TIGD1: variants seen among roughly 807,000 people sequenced by gnomAD.
TIGD1 encodes tigger transposable element derived 1, also known as tigger transposable element-derived protein 1.
Under a neutral mutation model 21.3 loss-of-function variants are expected in TIGD1, and 20 were observed. The observed-to-expected ratio is 0.94, with a 90% CI of 0.66 to 1.36. The LOEUF (loss-of-function observed/expected upper bound fraction) is 1.36, where lower values mean the gene tolerates loss of function less well. TIGD1 is among the 40% of genes most tolerant of loss of function. The pLI, the probability that TIGD1 is intolerant of heterozygous loss-of-function variation, is 0.00. For synonymous variants in TIGD1, 177 were observed against 123.2 expected (o/e 1.44, Z -2.89); for missense variants, 556 against 350.5 (o/e 1.59, Z -4.68).
rs780477421 is a variant in TIGD1, at chr2:232,549,911, A to G, written c.-29T>C. On this transcript the variant is annotated 5_prime_UTR_variant, in exon 1 of 1. Transcript: ENST00000408957. Reference sequence around the variant, plus strand: ...AGAGTCATTAATTCGCCTAATCTCAATATTGTTGTGTCTCAGGGAATAGGG... The same window carrying G: ...AGAGTCATTAATTCGCCTAATCTCAGTATTGTTGTGTCTCAGGGAATAGGG... 2.5e-6 allele frequency: 3 copies of G among 1,224,218 alleles called. No homozygotes were observed. Among genetic ancestry groups the G allele is most frequent in the African/African-American group, 1.5e-5 (1 of 65,702 alleles). The allele number at this position is 1,224,218 out of a possible 1,614,324, so 75.8% of individuals were successfully genotyped here. A position where few individuals can be genotyped will look rare whatever the true frequency, so the allele number is the denominator to read the frequency against.
In TIGD1 at chr2:232,550,549, G is replaced by A. The variant is rs1327519124; in HGVS notation, c.-667C>T. ...GCAGCCAGCTCCGCCGCTGAGTCCA[G>A]CCCTCTGCGCAGCCGCCCTGAGCTG... On this transcript the variant is annotated 5_prime_UTR_variant, in exon 1 of 1. Transcript: ENST00000408957. 1.0e-5 allele frequency: 8 copies of A among 800,888 alleles called. No individual in the cohort carries two copies. The highest frequency in any genetic ancestry group is 7.2e-5 in the Admixed American group (3 of 41,864). 49.6% of individuals were successfully genotyped at this position (800,888 alleles called of 1,614,324 possible). A position where few individuals can be genotyped will look rare whatever the true frequency, so the allele number is the denominator to read the frequency against.
rs765911033 is a variant in TIGD1, at chr2:232,548,363, T to C, written c.1520A>G (p.Glu507Gly). 5.5e-5 allele frequency: 58 copies of C among 1,045,574 alleles called. No homozygotes were observed. In the African/African-American group the frequency reaches 8.0e-4, roughly 14 times the overall value. The allele number at this position is 1,045,574 out of a possible 1,614,324, so 64.8% of individuals were successfully genotyped here. Residue 507 changes from glutamate (E) to glycine (G), a missense_variant, in exon 1 of 1, where the codon GAG becomes GGG. Coordinates refer to ENST00000408957, the MANE Select transcript of TIGD1 (RefSeq NM_145702.4). ...TCTTTCAAAATTGGAGTCAATCCTC[T>C]CAAACCCTGCTGCTGCTTTATCAAC... ...NLVDKAAAGF[E>G]RIDSNFERSS...
rs1023627030 is a variant in TIGD1 at position 232,549,448 on chromosome 2, G to C, written c.435C>G (p.Phe145Leu). The change falls in exon 1 of 1, where the codon TTC becomes TTG. Residue 145 changes from phenylalanine (F) to leucine (L), a missense_variant. Transcript: ENST00000408957. ...CTTCACCTTGTGCTTTTATGTTATG[G>C]AAATGGCTTCTTTCCTTAAACCTCA... Reference protein sequence around the residue: ...WFMRFKERSHFHNIKAQGEAA... With the variant: ...WFMRFKERSHLHNIKAQGEAA... The C allele has an allele frequency of 6.0e-6, 4 of 661,676 alleles. No homozygotes were observed. Among genetic ancestry groups the C allele is most frequent in the African/African-American group, 1.8e-5 (1 of 56,188 alleles). The allele number at this position is 661,676 out of a possible 1,614,324, so 41.0% of individuals were successfully genotyped here. A position where few individuals can be genotyped will look rare whatever the true frequency, so the allele number is the denominator to read the frequency against.
In TIGD1 at chr2:232,545,406, A is replaced by C. The variant is rs1692108073; in HGVS notation, c.*2701T>G. 2.5e-6 allele frequency: 2 copies of C among 796,588 alleles called. No individual in the cohort carries two copies. The highest frequency in any genetic ancestry group is 3.4e-5 in the African/African-American group (2 of 58,836). The allele number at this position is 796,588 out of a possible 1,614,324, so 49.3% of individuals were successfully genotyped here. A position where few individuals can be genotyped will look rare whatever the true frequency, so the allele number is the denominator to read the frequency against. On this transcript the variant is annotated 3_prime_UTR_variant, in exon 1 of 1. Coordinates refer to ENST00000408957, the MANE Select transcript of TIGD1 (RefSeq NM_145702.4). ...CCAGGGGGCCATGGAATTAGCCACC[A>C]GTTGGGACCCGGACATAGGTAAGAA...
In TIGD1 at chr2:232,547,243, C is replaced by T. The variant is rs1053511852; in HGVS notation, c.*864G>A. Among the ~76,000 whole-genome samples, 5 of 151,946 alleles carry T rather than the reference C, an allele frequency of 3.3e-5. No individual in the cohort carries two copies. The highest frequency in any genetic ancestry group is 1.2e-4 in the African/African-American group (5 of 41,358). ...CCCAGCCTGGGCAACATGGGGACAC[C>T]CGGCCTCTACCAAAAAATACAAAAC... On this transcript the variant is annotated 3_prime_UTR_variant, in exon 1 of 1. Coordinates refer to ENST00000408957, the MANE Select transcript of TIGD1 (RefSeq NM_145702.4).
Position 232,548,247 on chromosome 2 carries a change from A to G in TIGD1, c.1636T>C (p.Ser546Pro), listed in dbSNP as rs1003654970. The G allele has an allele frequency of 1.3e-6, 2 of 1,543,910 alleles. No individual in the cohort carries two copies. The highest frequency in any genetic ancestry group is 1.7e-6 in the Non-Finnish European group (2 of 1,146,468). ...ERKSQLMRKASPMSYFRKLPQ... is the reference protein window; with the variant it reads ...ERKSQLMRKAPPMSYFRKLPQ... ...AATTTCCTAAAATAAGACATCGGTG[A>G]AGCTTTTCGCATGAGTTGACTCTTC... is the stretch of plus-strand genomic sequence containing the variant. The change falls in exon 1 of 1, where the codon TCA becomes CCA. Residue 546 changes from serine (S) to proline (P), a missense_variant. Transcript: ENST00000408957.
rs1231163747 is a variant in TIGD1 at position 232,550,351 on chromosome 2, C to T, written c.-469G>A. ...AGGTCAAAAGAGATACCAGAGAGTG[C>T]GTCCCGCACTGGAGGAAGAGGAAGG... On this transcript the variant is annotated 5_prime_UTR_variant, in exon 1 of 1. Coordinates refer to ENST00000408957, the MANE Select transcript of TIGD1 (RefSeq NM_145702.4). 7.5e-6 allele frequency: 3 copies of T among 398,386 alleles called. No homozygotes were observed. Among genetic ancestry groups the T allele is most frequent in the Admixed American group, 4.7e-5 (1 of 21,438 alleles). The allele number at this position is 398,386 out of a possible 1,614,324, so 24.7% of individuals were successfully genotyped here. A position where few individuals can be genotyped will look rare whatever the true frequency, so the allele number is the denominator to read the frequency against.
Position 232,548,065 on chromosome 2 carries a change from AC to A in TIGD1, c.*41del, listed in dbSNP as rs1439691666. 1.7e-6 allele frequency: 1 copy of A among 589,434 alleles called. No individual in the cohort carries two copies. Among genetic ancestry groups the A allele is most frequent in the African/African-American group, 1.9e-5 (1 of 53,264 alleles). The allele number at this position is 589,434 out of a possible 1,614,324, so 36.5% of individuals were successfully genotyped here. A position where few individuals can be genotyped will look rare whatever the true frequency, so the allele number is the denominator to read the frequency against. ...CATTGTCTAATAAAACAATATACAT[AC>A]CTAAATTTAAAAATACTTTATTGCT... On this transcript the variant is annotated 3_prime_UTR_variant, in exon 1 of 1. Coordinates refer to ENST00000408957, the MANE Select transcript of TIGD1 (RefSeq NM_145702.4).
At position 232,543,898 on chromosome 2, in the gene TIGD1, T is replaced by C. The variant is rs1162666944; in HGVS notation, c.*4209A>G. Among the ~76,000 whole-genome samples the C allele has an allele frequency of 2.6e-5, 4 of 152,270 alleles. No homozygotes were observed. The highest frequency in any genetic ancestry group is 4.8e-5 in the African/African-American group (2 of 41,474). ...GTGCCCGGGATATTACAAATGTTAA[T>C]GTATTTCATCTTCATAAAACCCATA... On this transcript the variant is annotated 3_prime_UTR_variant, in exon 1 of 1. Transcript: ENST00000408957.
At position 232,547,503 on chromosome 2, in the gene TIGD1, G is replaced by C. The variant is rs1487162873; in HGVS notation, c.*604C>G. ...GACGACAGGATATGCTGGCAGGAGG[G>C]GACCTTGGAAATATGCCCTCCCTCC... On this transcript the variant is annotated 3_prime_UTR_variant, in exon 1 of 1. Coordinates refer to ENST00000408957, the MANE Select transcript of TIGD1 (RefSeq NM_145702.4). 6.6e-6 allele frequency among the ~76,000 whole-genome samples: 1 copy of C among 152,206 alleles called. No homozygotes were observed. The highest frequency in any genetic ancestry group is 1.5e-5 in the Non-Finnish European group (1 of 68,034).
Position 232,544,799 on chromosome 2 carries a change from AG to A in TIGD1, c.*3307del. On this transcript the variant is annotated 3_prime_UTR_variant, in exon 1 of 1. Transcript: ENST00000408957. ...AAAGGCCCGGAGTTAGGGCTGAGCC[AG>A]TTCTGTGGCAGCCTGAAGCAGGCTG... is the stretch of plus-strand genomic sequence containing the variant. 1 of 1,614,018 alleles carries A rather than the reference AG, an allele frequency of 6.2e-7. No individual in the cohort carries two copies. The highest frequency in any genetic ancestry group is 8.5e-7 in the Non-Finnish European group (1 of 1,179,996).
At position 232,547,172 on chromosome 2, in the gene TIGD1, C is replaced by T. The variant is rs1478381216; in HGVS notation, c.*935G>A. Among the ~76,000 whole-genome samples the T allele has an allele frequency of 6.6e-6, 1 of 152,152 alleles. No homozygotes were observed. The highest frequency in any genetic ancestry group is 6.5e-5 in the Admixed American group (1 of 15,276). On this transcript the variant is annotated 3_prime_UTR_variant, in exon 1 of 1. Transcript: ENST00000408957. ...CTGCAATCCCAGCACCTTGGGAGGACAAGGTGGGTGGACTGCTTGAGCTCA... is the reference window on the plus strand; with the variant it reads ...CTGCAATCCCAGCACCTTGGGAGGATAAGGTGGGTGGACTGCTTGAGCTCA...
In TIGD1 at chr2:232,549,015, C is replaced by G; in HGVS notation, c.868G>C (p.Glu290Gln). 2.8e-6 allele frequency: 2 copies of G among 705,090 alleles called. No homozygotes were observed. The highest frequency in any genetic ancestry group is 5.2e-6 in the Non-Finnish European group (2 of 381,952). 43.7% of individuals were successfully genotyped at this position (705,090 alleles called of 1,614,324 possible). Residue 290 changes from glutamate to glutamine, a missense_variant, in exon 1 of 1, where the codon GAA (glutamate) becomes CAA (glutamine). By Grantham distance (29) the Glu-to-Gln change is conservative. Coordinates refer to ENST00000408957, the MANE Select transcript of TIGD1 (RefSeq NM_145702.4). ...AATATTTTGAAAGGAATCTTCTTTT[C>G]TGAGCAGTAGGTCTCAACAGTGGGT... The part of the protein sequence containing the change: ...FKPTVETYCS[E>Q]KKIPFKILLL...
rs748500540 is a variant in TIGD1, at chr2:232,545,748, C to G, written c.*2359G>C. 1 of 1,611,804 alleles carries G rather than the reference C, an allele frequency of 6.2e-7. No individual in the cohort carries two copies. Among genetic ancestry groups the G allele is most frequent in the South Asian group, 1.1e-5 (1 of 91,038 alleles). ...CAACCACTGTGGGGCATGTGGGAGT[C>G]ACACACGTGGGTCACACTGAGTCTT... On this transcript the variant is annotated 3_prime_UTR_variant, in exon 1 of 1. Transcript: ENST00000408957.
At position 232,544,514 on chromosome 2, in the gene TIGD1, C is replaced by T. The variant is rs777663481; in HGVS notation, c.*3593G>A. 46 of 1,613,760 alleles carry T rather than the reference C, an allele frequency of 2.9e-5. No individual in the cohort carries two copies. The highest frequency in any genetic ancestry group is 8.0e-5 in the African/African-American group (6 of 74,930). On this transcript the variant is annotated 3_prime_UTR_variant, in exon 1 of 1. Transcript: ENST00000408957. ...GGAGGAGGTGGCCCTCTGCCTGCCT[C>T]GCAGTGAACTCCTCTTCCAGCAGTG...
Position 232,545,552 on chromosome 2 carries a change from G to A in TIGD1, c.*2555C>T, listed in dbSNP as rs1474358597. The A allele has an allele frequency of 6.2e-7, 1 of 1,613,682 alleles. No homozygotes were observed. The highest frequency in any genetic ancestry group is 2.2e-5 in the East Asian group (1 of 44,888). On this transcript the variant is annotated 3_prime_UTR_variant, in exon 1 of 1. Coordinates refer to ENST00000408957, the MANE Select transcript of TIGD1 (RefSeq NM_145702.4). Reference sequence around the variant, plus strand: ...TGCCTCCCACCCTCAGGGGAATGAGGAGTGGTTCCTGGTGGGCCGAGTGCT... The same window carrying A: ...TGCCTCCCACCCTCAGGGGAATGAGAAGTGGTTCCTGGTGGGCCGAGTGCT...
chr2:232,545,491 G>A lies in TIGD1; in HGVS notation c.*2616C>T. 1 of 1,532,408 alleles carries A rather than the reference G, an allele frequency of 6.5e-7. No homozygotes were observed. The highest frequency in any genetic ancestry group is 8.9e-7 in the Non-Finnish European group (1 of 1,118,370). 94.9% of individuals were successfully genotyped at this position (1,532,408 alleles called of 1,614,324 possible). A position where few individuals can be genotyped will look rare whatever the true frequency, so the allele number is the denominator to read the frequency against. ...AGCCCAAGGATGAGAACAGGACCCA[G>A]GGAAGACCTGGTGCCGCCGCTGGTT... On this transcript the variant is annotated 3_prime_UTR_variant, in exon 1 of 1. Coordinates refer to ENST00000408957, the MANE Select transcript of TIGD1 (RefSeq NM_145702.4).
Position 232,548,212 on chromosome 2 carries a change from TG to T in TIGD1, c.1670del (p.Pro557HisfsTer10). 6.5e-7 allele frequency: 1 copy of T among 1,540,452 alleles called. No homozygotes were observed. The highest frequency in any genetic ancestry group is 1.2e-5 in the South Asian group (1 of 83,404). On this transcript the variant is annotated frameshift_variant, in exon 1 of 1. Transcript: ENST00000408957. LOFTEE classifies it high-confidence loss of function. ...PMSYFRKLPQ[P>X]PQPSAATTLT... ...GGGTGGTGGCTGCTGAAGGTTGGGG[TG>T]GCTGTGGCAATTTCCTAAAATAAGA...
At position 232,550,467 on chromosome 2, in the gene TIGD1, C is replaced by T; in HGVS notation, c.-585G>A. 1.9e-6 allele frequency: 1 copy of T among 533,900 alleles called. No homozygotes were observed. The highest frequency in any genetic ancestry group is 3.5e-5 in the East Asian group (1 of 28,488). 33.1% of individuals were successfully genotyped at this position (533,900 alleles called of 1,614,324 possible). ...CGCTGCGGGAGGGGGCCAGGACACG[C>T]TCCCTTAGGAGAGCGGGCGGGTCAC... is the stretch of plus-strand genomic sequence containing the variant. On this transcript the variant is annotated 5_prime_UTR_variant, in exon 1 of 1. Transcript: ENST00000408957.
Sources: allele counts gnomAD v4.1 joint callset (sites outside exome capture counted in the v4.1 genomes callset), GRCh38; gene constraint gnomAD v4.1.1; transcripts MANE v1.5; gene names NCBI Gene and HGNC (gene_info 2026-07-23, HGNC 2026-07-21).